Variants in ITFG1 observed in about 807,000 individuals in gnomAD.
ITFG1 encodes the protein T-cell immunomodulatory protein.
ITFG1 carries 34 observed loss-of-function variants against 81.8 expected under a neutral mutation model. The observed-to-expected ratio is 0.42, with a 90% CI of 0.32 to 0.55. The LOEUF is 0.55. ITFG1 is among the 20% of genes least tolerant of loss of function. ITFG1 has a pLI of 0.17. For missense variants in ITFG1, 672 were observed against 755.4 expected (o/e 0.89, Z 1.29); for synonymous variants, 285 against 270.6 (o/e 1.05, Z -0.52).
At chr16:47,235,909 A>T (rs1437946549) in intron 13 of ITFG1, among the ~76,000 whole-genome samples, 2 of 152,216 alleles carry the variant, frequency 1.3e-5, no homozygotes, top group African/African-American at 2.4e-5. Context: ...GTGATCTATG[A>T]TATCAGTAAA....
At chr16:47,181,291 G>A (rs887208273) in intron 14 of ITFG1, among the ~76,000 whole-genome samples, 3 of 148,414 alleles carry the variant, frequency 2.0e-5, no homozygotes, top group Non-Finnish European at 3.0e-5. Flanking sequence ...AGTGAGGAGC[G>A]TCTCTGTCTG....
chr16:47,258,821 A>AT (rs1484882673), intron 11 of ITFG1, 81 bp from the exon 12 acceptor site: 6 of 580,494 alleles, frequency 1.0e-5, no homozygotes, highest in Non-Finnish European at 1.5e-5. Flanking sequence ...TGCATGGCAT[A>AT]TTGTTTATAA....
At chr16:47,391,324 C>A (rs772013733) in intron 6 of ITFG1, among the ~76,000 whole-genome samples, 5 of 152,108 alleles carry the variant, frequency 3.3e-5, no homozygotes, top group Non-Finnish European at 5.9e-5. Flanking sequence ...TATAAAGACA[C>A]CTATATTTTC....
chr16:47,278,994 T>C lies in ITFG1; in HGVS notation c.1071-18299A>G, dbSNP rs1030905742. Reference sequence around the variant, plus strand: ...ACATTCTGAATCTTCCTATTTTTTTTTATTTTTGAGTTTAGAGTTTTTTTA... The same window carrying C: ...ACATTCTGAATCTTCCTATTTTTTTCTATTTTTGAGTTTAGAGTTTTTTTA... On this transcript the variant is annotated intron_variant, in intron 10 of 17. Coordinates refer to ENST00000320640, the MANE Select transcript of ITFG1 (RefSeq NM_030790.5). 1.4e-4 allele frequency among the ~76,000 whole-genome samples: 21 copies of C among 152,322 alleles called. No homozygotes were observed. In the East Asian group the frequency reaches 4.0e-3, roughly 29 times the overall value.
chr16:47,428,158 T>A (rs1969047440), intron 6 of ITFG1, among the ~76,000 whole-genome samples: 1 of 152,056 alleles, frequency 6.6e-6, no homozygotes, highest in Non-Finnish European at 1.5e-5. Flanking sequence ...TATTGTGTAA[T>A]TTTTTTAGAT....
intron 13 of ITFG1, among the ~76,000 whole-genome samples, chr16:47,224,794 T>C (rs1965737959): frequency 6.6e-6 from 1 of 152,100 alleles, no homozygotes; most frequent in East Asian, 1.9e-4. Flanking sequence ...ATAATAAACA[T>C]GTTCACCAGT....
intron 6 of ITFG1, among the ~76,000 whole-genome samples, chr16:47,414,525 TAAAACAAAAAACAA>T (rs972134248): frequency 1.7e-4 from 25 of 151,080 alleles, no homozygotes; most frequent in South Asian, 6.3e-4. Context: ...GACTCTGTCG[TAAAACAAAAAACAA>T]AAAACAAAAA....
intron 6 of ITFG1, among the ~76,000 whole-genome samples, chr16:47,383,222 G>A (rs1968417289): frequency 6.6e-6 from 1 of 152,146 alleles, no homozygotes; most frequent in African/African-American, 2.4e-5. Context: ...CTTAATGATG[G>A]AAATAACTGG....
chr16:47,301,834 C>G (rs1967081505), intron 10 of ITFG1, among the ~76,000 whole-genome samples: 1 of 152,140 alleles, frequency 6.6e-6, no homozygotes, highest in African/African-American at 2.4e-5. Flanking sequence ...ATTCAAAAGT[C>G]CTACTTAAAA....
chr16:47,181,036 T>C (rs1450324185), intron 14 of ITFG1, among the ~76,000 whole-genome samples: 2 of 131,172 alleles, frequency 1.5e-5, no homozygotes, highest in East Asian at 5.1e-4. Flanking sequence ...CCGGCCGCCA[T>C]ACCATCTAGG....
chr16:47,313,942 G>A (rs1967310256), intron 8 of ITFG1, 119 bp from the exon 9 acceptor site: 2 of 493,722 alleles, frequency 4.1e-6, no homozygotes, highest in East Asian at 3.4e-5. Context: ...AGAAGAATTT[G>A]ACACATGGCT....
At chr16:47,252,134 AG>A (rs1966084052) in intron 12 of ITFG1, among the ~76,000 whole-genome samples, 1 of 152,210 alleles carries the variant, frequency 6.6e-6, no homozygotes, top group Non-Finnish European at 1.5e-5. Context: ...CAAAAGAAAT[AG>A]GGGAAAATGT....
At chr16:47,396,379 T>C (rs1436279252) in intron 6 of ITFG1, among the ~76,000 whole-genome samples, 1 of 151,292 alleles carries the variant, frequency 6.6e-6, no homozygotes, top group African/African-American at 2.4e-5. Flanking sequence ...TACATGAAGA[T>C]GAGAAAGGGA....
intron 15 of ITFG1, 145 bp downstream of exon 15, chr16:47,162,395 A>C (rs1964821116): frequency 1.0e-5 from 7 of 683,484 alleles, no homozygotes; most frequent in Non-Finnish European, 1.3e-5. Context: ...ACTACCAATA[A>C]ATTTTTCTTT....
intron 13 of ITFG1, among the ~76,000 whole-genome samples, chr16:47,224,881 C>T (rs1371722871): frequency 6.6e-6 from 1 of 152,110 alleles, no homozygotes; most frequent in African/African-American, 2.4e-5. Flanking sequence ...TGCCTGTGGT[C>T]CCAGCTACTC....
intron 5 of ITFG1, among the ~76,000 whole-genome samples, chr16:47,433,857 AATATATATATATATATATAT>A (rs4038737): frequency 0.083 from 3,194 of 38,438 alleles, 155 homozygotes; most frequent in Non-Finnish European, 0.094. Context: ...ATAAAAACTG[AATATATATATATATATATAT>A]ATATATATAT....
rs1266312251 is a variant in ITFG1 at position 47,226,553 on chromosome 16, T to C, written c.1375-7607A>G. ...CCACCCCACAACAGTCCCTGGTGTG[T>C]GATGTTCCCGTTCCTGTGTCCAAAT... On this transcript the variant is annotated intron_variant, in intron 13 of 17. Transcript: ENST00000320640. Among the ~76,000 whole-genome samples the C allele has an allele frequency of 2.5e-5, 3 of 122,132 alleles. No homozygotes were observed. The East Asian group carries it at 8.6e-4, about 35-fold the overall frequency. The allele number at this position is 122,132 out of a possible 152,430, so 80.1% of individuals were successfully genotyped here.
chr16:47,342,835 T>C (rs1227051745), intron 8 of ITFG1, among the ~76,000 whole-genome samples: 2 of 152,118 alleles, frequency 1.3e-5, no homozygotes, highest in Non-Finnish European at 2.9e-5. Flanking sequence ...ATAACATTCC[T>C]GAAAATTCAA....
rs543113869 is a variant in ITFG1 at position 47,373,528 on chromosome 16, G to T, written c.720+2348C>A. On this transcript the variant is annotated intron_variant, in intron 7 of 17. Transcript: ENST00000320640. ...ACTCCTGACCTCAGATGATCTGGCCGCCTCAGCCTCCCAAAGTGATGGGAT... is the reference window on the plus strand; with the variant it reads ...ACTCCTGACCTCAGATGATCTGGCCTCCTCAGCCTCCCAAAGTGATGGGAT... 2.0e-4 allele frequency among the ~76,000 whole-genome samples: 30 copies of T among 152,230 alleles called. No individual in the cohort carries two copies. The South Asian group carries it at 6.2e-3, about 32-fold the overall frequency.
Sources: allele counts gnomAD v4.1 joint callset (sites outside exome capture counted in the v4.1 genomes callset), GRCh38; gene constraint gnomAD v4.1.1; transcripts MANE v1.5; gene names NCBI Gene and HGNC (gene_info 2026-07-23, HGNC 2026-07-21).